The following ZNF385D variants were observed in gnomAD, a reference collection of about 807,000 sequenced individuals.
The protein encoded by ZNF385D is zinc finger protein 385D.
ZNF385D carries 15 observed loss-of-function variants against 35.8 expected under a neutral mutation model. The ratio of observed to expected loss-of-function variants is 0.42; its 90% confidence interval spans 0.28 to 0.64. The LOEUF is 0.64. ZNF385D is among the 30% of genes least tolerant of loss of function. ZNF385D has a pLI of 0.23. For missense variants in ZNF385D, 474 were observed against 494.6 expected, an observed-to-expected ratio of 0.96 and a Z score of 0.39; for synonymous variants, 212 against 186.8, an observed-to-expected ratio of 1.13 and a Z score of -1.10.
At chr3:21,989,693 C>G (rs1358735414) in intron 3 of ZNF385D, among the ~76,000 whole-genome samples, 2 of 151,906 alleles carry the variant, frequency 1.3e-5, no homozygotes, top group South Asian at 2.1e-4. Flanking sequence ...AAAAAAAGGA[C>G]AGCCAAACCA....
chr3:21,784,724 A>G (rs753186948), intron 3 of ZNF385D, among the ~76,000 whole-genome samples: 14 of 152,116 alleles, frequency 9.2e-5, no homozygotes, highest in Non-Finnish European at 4.4e-5. Context: ...AAGATATTTT[A>G]AAAAGTCATA....
chr3:21,886,585 A>G (rs1003218231), intron 3 of ZNF385D, among the ~76,000 whole-genome samples: 2 of 152,042 alleles, frequency 1.3e-5, no homozygotes, highest in African/African-American at 4.8e-5. Context: ...AATTTTTATG[A>G]GTCTTGTTCA....
intron 3 of ZNF385D, among the ~76,000 whole-genome samples, chr3:22,125,288 G>A (rs1187999648): frequency 3.9e-5 from 6 of 152,016 alleles, no homozygotes; most frequent in Non-Finnish European, 1.5e-5. Flanking sequence ...CTGTTTTTAA[G>A]TCAGTGGCAT....
Position 22,081,836 on chromosome 3 carries a change from A to G in ZNF385D, c.325+86981T>C, listed in dbSNP as rs562094183. Among the ~76,000 whole-genome samples, 73 of 152,254 alleles carry G rather than the reference A, an allele frequency of 4.8e-4. 2 individuals are homozygous for G. In the South Asian group the frequency reaches 0.014, roughly 30 times the overall value. On this transcript the variant is annotated intron_variant, in intron 3 of 5. Transcript: ENST00000494108. ...CTACTTCAGCAAAAACAAAAATACA[A>G]TTGTGTATGAATTCACTGAAATTCC...
chr3:21,874,159 C>A (rs1356745272), intron 3 of ZNF385D, among the ~76,000 whole-genome samples: 1 of 151,872 alleles, frequency 6.6e-6, no homozygotes, highest in Non-Finnish European at 1.5e-5. Flanking sequence ...TCACTTCTTC[C>A]TTTTTGCTTT....
chr3:21,472,141 A>G (rs1703934062), intron 4 of ZNF385D, among the ~76,000 whole-genome samples: 1 of 152,158 alleles, frequency 6.6e-6, no homozygotes, highest in Admixed American at 6.6e-5. Context: ...TACATTTATC[A>G]TGAAATCATC....
At chr3:22,211,921 C>T (rs1312219140) in intron 2 of ZNF385D, among the ~76,000 whole-genome samples, 4 of 151,966 alleles carry the variant, frequency 2.6e-5, no homozygotes. Context: ...CTGGCTTTGA[C>T]AGAAGATGCC....
intron 2 of ZNF385D, among the ~76,000 whole-genome samples, chr3:22,218,766 A>T (rs906089974): frequency 6.6e-6 from 1 of 151,984 alleles, no homozygotes; most frequent in Non-Finnish European, 1.5e-5. Flanking sequence ...GTTTTTACTA[A>T]CTTTATAGTT....
At chr3:22,355,550 A>G (rs1294190355) in intron 2 of ZNF385D, among the ~76,000 whole-genome samples, 1 of 151,982 alleles carries the variant, frequency 6.6e-6, no homozygotes, top group Non-Finnish European at 1.5e-5. Context: ...AAGACAAAGA[A>G]GTCAATCAGC....
At chr3:22,322,776 T>C (rs1216304309) in intron 2 of ZNF385D, among the ~76,000 whole-genome samples, 1 of 152,228 alleles carries the variant, frequency 6.6e-6, no homozygotes, top group Non-Finnish European at 1.5e-5. Context: ...AACCATCCAG[T>C]AATGTTTTTG....
rs79881487 is a variant in ZNF385D, at chr3:21,460,001, A to G, written c.440-22798T>C. ...ACAACCATCAGCCCATGTCACTAAT[A>G]TTATTGGCTGCTGCTAAATCACCTG... On this transcript the variant is annotated intron_variant, in intron 4 of 7. Transcript: ENST00000281523. Among the ~76,000 whole-genome samples the G allele has an allele frequency of 8.3e-4, 127 of 152,220 alleles. 2 individuals are homozygous for G. In the East Asian group the frequency reaches 0.022, roughly 27 times the overall value.
At chr3:21,890,664 G>A (rs1698805419) in intron 3 of ZNF385D, among the ~76,000 whole-genome samples, 1 of 152,194 alleles carries the variant, frequency 6.6e-6, no homozygotes, top group Middle Eastern at 3.4e-3. Flanking sequence ...AAAAAGGTAA[G>A]TTACGGTGAC....
At chr3:22,035,687 C>T (rs939236521) in intron 3 of ZNF385D, among the ~76,000 whole-genome samples, 1 of 152,014 alleles carries the variant, frequency 6.6e-6, no homozygotes, top group Non-Finnish European at 1.5e-5. Context: ...CAGCAAGACC[C>T]CTAGAAAACA....
chr3:22,297,176 T>A (rs907200515), intron 2 of ZNF385D, among the ~76,000 whole-genome samples: 1 of 152,150 alleles, frequency 6.6e-6, no homozygotes, highest in African/African-American at 2.4e-5. Context: ...ACAGAAAGAC[T>A]GACTTGTTCC....
intron 3 of ZNF385D, among the ~76,000 whole-genome samples, chr3:22,057,702 TG>T (rs1238998528): frequency 2.6e-5 from 4 of 152,126 alleles, no homozygotes; most frequent in African/African-American, 9.6e-5. Context: ...TTCCTAGAGA[TG>T]GGGTTTCACC....
intron 3 of ZNF385D, among the ~76,000 whole-genome samples, chr3:22,147,018 G>T (rs1046557839): frequency 9.9e-5 from 15 of 152,198 alleles, no homozygotes; most frequent in African/African-American, 3.6e-4. Context: ...GCTACACTCT[G>T]GTTGTTAGCA....
chr3:21,696,540 A>G (rs750657079), intron 1 of ZNF385D, among the ~76,000 whole-genome samples: 2 of 152,238 alleles, frequency 1.3e-5, no homozygotes, highest in Non-Finnish European at 2.9e-5. Flanking sequence ...GCTACCATCC[A>G]GAGCACTTAA....
intron 2 of ZNF385D, among the ~76,000 whole-genome samples, chr3:21,609,000 A>G (rs1216173972): frequency 6.6e-6 from 1 of 152,246 alleles, no homozygotes. Context: ...AGTATTTGAT[A>G]TGAAAATAAT....
At chr3:21,599,301 T>C (rs1559446977) in intron 2 of ZNF385D, among the ~76,000 whole-genome samples, 1 of 152,226 alleles carries the variant, frequency 6.6e-6, no homozygotes. Flanking sequence ...AGTGTTTGTT[T>C]GGCAAATACC....
Sources: gnomAD v4.1 joint callset for allele counts (sites outside exome capture counted in the v4.1 genomes callset) on GRCh38, gnomAD v4.1.1 for gene constraint, MANE v1.5 for transcripts, NCBI Gene and HGNC (gene_info 2026-07-23, HGNC 2026-07-21) for gene names.